PRDM11: variants seen among roughly 807,000 people sequenced by gnomAD.
PRDM11 encodes PR/SET domain 11.
Under a neutral mutation model 97.8 loss-of-function variants are expected in PRDM11, and 20 were observed. The observed-to-expected ratio is 0.20, with a 90% CI of 0.14 to 0.30. The LOEUF is 0.30. Among genes scored for constraint, PRDM11 ranks in the 10% least tolerant of loss-of-function variants. The pLI is 1.00. For synonymous variants in PRDM11, 599 were observed against 637.7 expected, an observed-to-expected ratio of 0.94 and a Z score of 0.91; for missense variants, 1,139 against 1,555.2, an observed-to-expected ratio of 0.73 and a Z score of 4.50.
At chr11:45,152,985 G>T (rs534595241) in intron 1 of PRDM11, among the ~76,000 whole-genome samples, 1 of 152,324 alleles carries the variant, frequency 6.6e-6, no homozygotes, top group African/African-American at 2.4e-5. Context: ...AGTGGCTTGG[G>T]CATAAGGCTG....
intron 1 of PRDM11, among the ~76,000 whole-genome samples, chr11:45,130,035 C>A (rs1852683641): frequency 1.3e-5 from 2 of 152,044 alleles, no homozygotes; most frequent in African/African-American, 4.8e-5. Flanking sequence ...GTGGAGAATG[C>A]CTTTTAAATA....
rs576420843 is a variant in PRDM11, at chr11:45,119,607, G to A, written c.96+23706G>A. Among the ~76,000 whole-genome samples the A allele has an allele frequency of 8.1e-5, 9 of 111,662 alleles. No homozygotes were observed. The South Asian group carries it at 2.6e-3, about 32-fold the overall frequency. The allele number at this position is 111,662 out of a possible 152,430, so 73.3% of individuals were successfully genotyped here. A position where few individuals can be genotyped will look rare whatever the true frequency, so the allele number is the denominator to read the frequency against. On this transcript the variant is annotated intron_variant, in intron 1 of 6. Coordinates refer to the PRDM11 transcript ENST00000530656. ...ACTGCACTCCAACCTGGGTGACAGCGAGATTCTGTCTCAAAAAAAAAAAAA... is the reference window on the plus strand; with the variant it reads ...ACTGCACTCCAACCTGGGTGACAGCAAGATTCTGTCTCAAAAAAAAAAAAA...
chr11:45,209,087 G>A (rs1370197841), intron 5 of PRDM11: 1 of 456,728 alleles, frequency 2.2e-6, no homozygotes, highest in South Asian at 1.5e-5. Context: ...AGGACATTAA[G>A]CACAGATGGG....
At chr11:45,149,188 C>G (rs529106638) in intron 1 of PRDM11, among the ~76,000 whole-genome samples, 1 of 152,246 alleles carries the variant, frequency 6.6e-6, no homozygotes, top group Non-Finnish European at 1.5e-5. Flanking sequence ...GTCACCCCCT[C>G]ATGGCAGTCA....
intron 4 of PRDM11, among the ~76,000 whole-genome samples, chr11:45,195,310 G>A (rs1465495356): frequency 2.6e-5 from 4 of 152,026 alleles, no homozygotes; most frequent in South Asian, 2.1e-4. Flanking sequence ...CATCACAGTC[G>A]GTTTCATCAA....
chr11:45,227,030 T>C lies in PRDM11; in HGVS notation c.2405T>C (p.Met802Thr), dbSNP rs967628802. The C allele has an allele frequency of 1.3e-6, 2 of 1,533,938 alleles. No homozygotes were observed. The highest frequency in any genetic ancestry group is 1.2e-5 in the South Asian group (1 of 83,970). ...LSFYRYSPRL[M>T]CELRSTAATL... ...TTCTACCGCTACTCACCGCGCCTCA[T>C]GTGCGAGCTGCGGTCCACGGCGGCC... is the stretch of plus-strand genomic sequence containing the variant. Residue 802 changes from methionine (M) to threonine (T), a missense_variant, in exon 8 of 8, where the codon ATG (methionine) becomes ACG (threonine). This residue lies in a region of PRDM11 where 710 missense variants were observed against 1,044.9 expected (regional missense o/e 0.68). Coordinates refer to ENST00000683152, the MANE Select transcript of PRDM11 (RefSeq NM_001384648.1). The surrounding 1 kb of genome is among the most constrained non-coding windows in gnomAD (Gnocchi z 8.0).
chr11:45,154,806 CAG>C (rs914030635), intron 1 of PRDM11, among the ~76,000 whole-genome samples: 1 of 152,214 alleles, frequency 6.6e-6, no homozygotes, highest in African/African-American at 2.4e-5. Flanking sequence ...AACTGAGGCT[CAG>C]AGAGGGGAAG....
At chr11:45,110,464 C>T (rs1483078652) in intron 1 of PRDM11, among the ~76,000 whole-genome samples, 1 of 152,204 alleles carries the variant, frequency 6.6e-6, no homozygotes, top group Non-Finnish European at 1.5e-5. Context: ...TCTTCTAAGC[C>T]AGTCACTGAT....
chr11:45,173,906 A>G (rs1174089673), intron 1 of PRDM11, among the ~76,000 whole-genome samples: 1 of 152,188 alleles, frequency 6.6e-6, no homozygotes, highest in Non-Finnish European at 1.5e-5. Flanking sequence ...TAACATATAT[A>G]TATTCAGAAA....
At chr11:45,118,995 G>C (rs1852363457) in intron 1 of PRDM11, among the ~76,000 whole-genome samples, 1 of 152,224 alleles carries the variant, frequency 6.6e-6, no homozygotes, top group African/African-American at 2.4e-5. Context: ...CACTGAGGGA[G>C]AGAAAAATTA....
chr11:45,208,530 AC>A (rs1331582970), intron 5 of PRDM11, among the ~76,000 whole-genome samples: 2 of 152,170 alleles, frequency 1.3e-5, no homozygotes, highest in Non-Finnish European at 2.9e-5. Flanking sequence ...TTAGTAATAA[AC>A]CCGAAGAGTT....
At chr11:45,106,433 C>T (rs1385509984) in intron 1 of PRDM11, among the ~76,000 whole-genome samples, 4 of 152,164 alleles carry the variant, frequency 2.6e-5, no homozygotes, top group Admixed American at 6.5e-5. Flanking sequence ...TGCTGGTTCT[C>T]TCACGAGCTA....
intron 4 of PRDM11, among the ~76,000 whole-genome samples, chr11:45,191,851 T>G (rs1852925301): frequency 6.6e-6 from 1 of 151,854 alleles, no homozygotes; most frequent in Non-Finnish European, 1.5e-5. Flanking sequence ...TTTATTTTAC[T>G]TTGAGTTCTG....
At chr11:45,100,564 C>T (rs1161720133) in intron 1 of PRDM11, among the ~76,000 whole-genome samples, 1 of 152,240 alleles carries the variant, frequency 6.6e-6, no homozygotes, top group Non-Finnish European at 1.5e-5. Context: ...TCATCATCTG[C>T]TGCTGCTGAT....
rs771222405 is a variant in PRDM11 at position 45,183,123 on chromosome 11, G to A, written c.486G>A (p.Leu162=). 1 of 1,611,294 alleles carries A rather than the reference G, an allele frequency of 6.2e-7. No individual in the cohort carries two copies. Among genetic ancestry groups the A allele is most frequent in the East Asian group, 2.2e-5 (1 of 44,870 alleles). Residue 162 remains leucine (L), a splice_region_variant and synonymous_variant, in exon 4 of 8, where the codon CTG becomes CTA. Transcript: ENST00000683152. ...QDKSAGFFSW[L]IVDKNNRYKS... is the part of the protein sequence containing the mutation. The stretch of plus-strand genomic sequence containing the variant: ...AATCAGCTGGCTTCTTCTCCTGGCT[G>A]GTGAGTGTGCCCTGGGCTATTCATG...
chr11:45,140,409 T>G (rs1852979175), intron 1 of PRDM11, among the ~76,000 whole-genome samples: 1 of 152,222 alleles, frequency 6.6e-6, no homozygotes, highest in South Asian at 2.1e-4. Context: ...AGATCTCTAT[T>G]CTTTCACGAC....
intron 4 of PRDM11, among the ~76,000 whole-genome samples, chr11:45,192,863 AACATAAT>A (rs1159655851): frequency 6.6e-6 from 1 of 152,268 alleles, no homozygotes; most frequent in Non-Finnish European, 1.5e-5. Flanking sequence ...CAAAAACCTC[AACATAAT>A]ACACATTAAC....
intron 5 of PRDM11, among the ~76,000 whole-genome samples, chr11:45,206,876 C>T (rs1004565324): frequency 1.3e-5 from 2 of 152,228 alleles, no homozygotes; most frequent in Non-Finnish European, 2.9e-5. Flanking sequence ...GAACTCCTGG[C>T]TCTGTAATCC....
chr11:45,135,560 C>T lies in PRDM11; in HGVS notation c.96+39659C>T, dbSNP rs558949147. Among the ~76,000 whole-genome samples, 6 of 152,242 alleles carry T rather than the reference C, an allele frequency of 3.9e-5. No homozygotes were observed. In the South Asian group the frequency reaches 1.0e-3, roughly 26 times the overall value. ...ATAAATGTAGTTGAAAAAGATCTTA[C>T]TCACAATAGCAGCAAAAACTATCAC... is the stretch of plus-strand genomic sequence containing the variant. On this transcript the variant is annotated intron_variant, in intron 1 of 6. Coordinates refer to the PRDM11 transcript ENST00000530656.
Sources: gnomAD v4.1 joint callset for allele counts (sites outside exome capture counted in the v4.1 genomes callset) on GRCh38, gnomAD v4.1.1 for gene constraint, gnomAD v4.1.1 regional missense constraint, Gnocchi (gnomAD v3.1) non-coding constraint, MANE v1.5 for transcripts, NCBI Gene and HGNC (gene_info 2026-07-23, HGNC 2026-07-21) for gene names.